The following SLC10A7 variants were observed in gnomAD, a reference collection of about 807,000 sequenced individuals.
SLC10A7 encodes the protein sodium/bile acid cotransporter 7.
SLC10A7 carries 29 observed loss-of-function variants against 43.2 expected under a neutral mutation model. The ratio of observed to expected loss-of-function variants is 0.67; its 90% CI spans 0.50 to 0.92. The LOEUF is 0.92. Among genes scored for constraint, SLC10A7 ranks in the 40% least tolerant of loss-of-function variants. The pLI is 0.00. For synonymous variants in SLC10A7, 152 were observed against 144.8 expected (o/e 1.05, Z -0.35); for missense variants, 295 against 403.2 (o/e 0.73, Z 2.30).
At chr4:146,303,881 T>C in intron 7 of SLC10A7, among the ~76,000 whole-genome samples, 1 of 151,972 alleles carries the variant, frequency 6.6e-6, no homozygotes, top group Non-Finnish European at 1.5e-5. Flanking sequence ...TGTCATAATA[T>C]TTAATAAATT....
At chr4:146,504,880 A>C (rs879183387) in intron 3 of SLC10A7, among the ~76,000 whole-genome samples, 10 of 152,236 alleles carry the variant, frequency 6.6e-5, no homozygotes, top group Non-Finnish European at 1.5e-4. Context: ...TTATGTGCAC[A>C]CACCCAAGAT....
intron 1 of SLC10A7, among the ~76,000 whole-genome samples, chr4:146,520,691 C>G (rs551594763): frequency 7.2e-5 from 11 of 152,308 alleles, no homozygotes; most frequent in Non-Finnish European, 1.3e-4. Flanking sequence ...CTGTTCACCT[C>G]TATCCTTATT....
chr4:146,356,018 AC>A (rs1289914083), intron 5 of SLC10A7, among the ~76,000 whole-genome samples: 2 of 135,344 alleles, frequency 1.5e-5, no homozygotes, highest in African/African-American at 5.7e-5. Context: ...GTGCACATGT[AC>A]CCTAAAACTT....
chr4:146,460,654 T>C (rs1732450124), intron 4 of SLC10A7, among the ~76,000 whole-genome samples: 1 of 151,972 alleles, frequency 6.6e-6, no homozygotes, highest in Non-Finnish European at 1.5e-5. Context: ...GATCACAGGC[T>C]GTCAAGGACT....
intron 5 of SLC10A7, among the ~76,000 whole-genome samples, chr4:146,328,211 A>G (rs1220701743): frequency 1.3e-5 from 2 of 149,902 alleles, no homozygotes; most frequent in African/African-American, 2.5e-5. Context: ...GGATTAACCC[A>G]TCCCTCCCAC....
At chr4:146,290,386 C>G (rs1225634389) in intron 9 of SLC10A7, among the ~76,000 whole-genome samples, 4 of 140,340 alleles carry the variant, frequency 2.9e-5, no homozygotes, top group Non-Finnish European at 3.0e-5. Context: ...AATTTGAGAA[C>G]AGAGAATGAG....
chr4:146,403,408 C>CT (rs1275124892), intron 5 of SLC10A7, among the ~76,000 whole-genome samples: 2 of 152,156 alleles, frequency 1.3e-5, no homozygotes, highest in Non-Finnish European at 2.9e-5. Flanking sequence ...TTTTCTCCCA[C>CT]TGAAAGTCCC....
rs1727791703 is a variant in SLC10A7 at position 146,254,334 on chromosome 4, AAC to A, written c.*2155_*2156del. The A allele has an allele frequency of 6.6e-6, 1 of 152,198 alleles. No homozygotes were observed. The highest frequency in any genetic ancestry group is 2.1e-4 in the South Asian group (1 of 4,820). 9.4% of individuals were successfully genotyped at this position (152,198 alleles called of 1,614,324 possible). On this transcript the variant is annotated 3_prime_UTR_variant, in exon 12 of 12. Transcript: ENST00000335472. ...ACATTTAGACAAAACAAATGCATAAAACAGATAGCTTTACAGTGTATAAACAT... is the reference window on the plus strand; with the variant it reads ...ACATTTAGACAAAACAAATGCATAAAAGATAGCTTTACAGTGTATAAACAT...
chr4:146,373,533 T>G (rs1736946404), intron 5 of SLC10A7, among the ~76,000 whole-genome samples: 1 of 150,544 alleles, frequency 6.6e-6, no homozygotes. Flanking sequence ...ATTCAAGGGC[T>G]GGCAATGTAT....
At chr4:146,349,933 T>C (rs2149740904) in intron 5 of SLC10A7, among the ~76,000 whole-genome samples, 1 of 152,210 alleles carries the variant, frequency 6.6e-6, no homozygotes, top group Middle Eastern at 3.4e-3. Context: ...ACCTCAGCAT[T>C]ATTTCATATA....
chr4:146,375,614 C>T (rs1221939710), intron 5 of SLC10A7, among the ~76,000 whole-genome samples: 1 of 152,150 alleles, frequency 6.6e-6, no homozygotes, highest in African/African-American at 2.4e-5. Flanking sequence ...TTTTAACAAG[C>T]TGTGTGATTT....
chr4:146,258,062 C>T (rs74360036), intron 11 of SLC10A7, among the ~76,000 whole-genome samples: 3,331 of 152,242 alleles, frequency 0.022, 113 homozygotes, highest in African/African-American at 0.076. Context: ...GTGATATGCA[C>T]CATCTAAACT....
chr4:146,272,203 G>A (rs1218965158), intron 10 of SLC10A7, among the ~76,000 whole-genome samples: 1 of 152,180 alleles, frequency 6.6e-6, no homozygotes, highest in East Asian at 1.9e-4. Context: ...CATTGGCACT[G>A]TATAGAGCAA....
At chr4:146,413,036 G>A (rs1728306341) in intron 5 of SLC10A7, among the ~76,000 whole-genome samples, 1 of 152,020 alleles carries the variant, frequency 6.6e-6, no homozygotes, top group South Asian at 2.1e-4. Flanking sequence ...AATTAGAAGA[G>A]ATTCCAAAGG....
intron 4 of SLC10A7, among the ~76,000 whole-genome samples, chr4:146,503,306 G>A (rs898793625): frequency 7.2e-5 from 11 of 152,178 alleles, no homozygotes; most frequent in African/African-American, 2.4e-4. Context: ...CCCCCTATAA[G>A]TAGCTTCTGC....
chr4:146,475,212 C>T (rs1733922754), intron 4 of SLC10A7, among the ~76,000 whole-genome samples: 1 of 152,064 alleles, frequency 6.6e-6, no homozygotes, highest in Non-Finnish European at 1.5e-5. Flanking sequence ...AGGCAAAATC[C>T]CCAGGCTAAA....
intron 5 of SLC10A7, among the ~76,000 whole-genome samples, chr4:146,378,416 C>T (rs1737363891): frequency 6.6e-6 from 1 of 152,128 alleles, no homozygotes. Context: ...ACAAAGATAA[C>T]CAGTCTTTCT....
intron 5 of SLC10A7, among the ~76,000 whole-genome samples, chr4:146,350,162 C>T (rs1424807768): frequency 4.8e-5 from 7 of 145,836 alleles, no homozygotes; most frequent in Non-Finnish European, 1.1e-4. Context: ...TGGGCGCAGG[C>T]CAGTGGGTGC....
At chr4:146,471,471 T>C (rs573381214) in intron 4 of SLC10A7, among the ~76,000 whole-genome samples, 1 of 152,330 alleles carries the variant, frequency 6.6e-6, no homozygotes, top group East Asian at 1.9e-4. Context: ...AGACAATGTC[T>C]ATCTGAATAT....
Sources: allele counts gnomAD v4.1 joint callset (sites outside exome capture counted in the v4.1 genomes callset), GRCh38; gene constraint gnomAD v4.1.1; transcripts MANE v1.5; gene names NCBI Gene and HGNC (gene_info 2026-07-23, HGNC 2026-07-21).